The following GRID2 variants were observed in gnomAD, a reference collection of about 807,000 sequenced individuals.
GRID2 encodes the protein glutamate receptor ionotropic, delta-2.
GRID2 carries 33 observed loss-of-function variants against 114.8 expected under a neutral mutation model. The observed-to-expected ratio is 0.29, with a 90% confidence interval of 0.22 to 0.38. The LOEUF is 0.38. Among genes scored for constraint, GRID2 ranks in the 10% least tolerant of loss-of-function variants. GRID2 has a pLI of 1.00. For missense variants in GRID2, 1,184 were observed against 1,257.7 expected (o/e 0.94, Z 0.89); for synonymous variants, 505 against 449.9 (o/e 1.12, Z -1.55).
chr4:93,541,908 A>G (rs1189029540), intron 13 of GRID2, among the ~76,000 whole-genome samples: 2 of 152,200 alleles, frequency 1.3e-5, no homozygotes, highest in African/African-American at 4.8e-5. Context: ...AGATGTATGG[A>G]CAATAAGTTA....
At chr4:92,897,430 T>A (rs543926933) in intron 2 of GRID2, among the ~76,000 whole-genome samples, 19 of 151,648 alleles carry the variant, frequency 1.3e-4, no homozygotes, top group African/African-American at 4.3e-4. Flanking sequence ...TTGTTTGTTT[T>A]AAAAAAAAAG....
chr4:93,566,190 C>T (rs1419984277), intron 13 of GRID2, among the ~76,000 whole-genome samples: 2 of 152,142 alleles, frequency 1.3e-5, no homozygotes, highest in East Asian at 1.9e-4. Flanking sequence ...CAGGATACTA[C>T]TCAACAATGA....
intron 4 of GRID2, among the ~76,000 whole-genome samples, chr4:93,161,684 G>A (rs1384759910): frequency 6.6e-6 from 1 of 151,720 alleles, no homozygotes; most frequent in Non-Finnish European, 1.5e-5. Flanking sequence ...TTTTAAAAAT[G>A]TGTAAATCAT....
intron 2 of GRID2, among the ~76,000 whole-genome samples, chr4:92,692,865 A>G (rs1192387553): frequency 6.6e-6 from 1 of 152,062 alleles, no homozygotes; most frequent in East Asian, 1.9e-4. Flanking sequence ...TCTACTAAAA[A>G]TACAAAAATT....
At chr4:92,739,160 C>T (rs1019331984) in intron 2 of GRID2, among the ~76,000 whole-genome samples, 4 of 152,136 alleles carry the variant, frequency 2.6e-5, no homozygotes, top group African/African-American at 9.7e-5. Context: ...AATTTTTTAT[C>T]TCCACTGGCC....
intron 2 of GRID2, among the ~76,000 whole-genome samples, chr4:92,860,668 T>C (rs1396867344): frequency 6.6e-6 from 1 of 152,134 alleles, no homozygotes; most frequent in Non-Finnish European, 1.5e-5. Context: ...GAAAAGTGAT[T>C]AGTTTATTTA....
chr4:93,689,223 C>G (rs147165022), intron 14 of GRID2, among the ~76,000 whole-genome samples: 7 of 152,000 alleles, frequency 4.6e-5, no homozygotes, highest in African/African-American at 1.7e-4. Flanking sequence ...AAGTTAATTT[C>G]TGTGGTTTAA....
intron 3 of GRID2, among the ~76,000 whole-genome samples, chr4:93,110,502 C>A (rs1291164037): frequency 6.6e-6 from 1 of 152,154 alleles, no homozygotes; most frequent in Non-Finnish European, 1.5e-5. Context: ...GGATTGACAT[C>A]ATTTAGGTTC....
chr4:93,592,753 C>A (rs1738530625), intron 13 of GRID2, among the ~76,000 whole-genome samples: 1 of 152,152 alleles, frequency 6.6e-6, no homozygotes, highest in African/African-American at 2.4e-5. Flanking sequence ...GTATTGGGTG[C>A]ATACATATTT....
intron 2 of GRID2, among the ~76,000 whole-genome samples, chr4:93,004,257 A>G (rs1196477848): frequency 6.6e-6 from 1 of 151,840 alleles, no homozygotes; most frequent in Non-Finnish European, 1.5e-5. Context: ...ATCATGGTCT[A>G]ATGACCATTA....
intron 3 of GRID2, among the ~76,000 whole-genome samples, chr4:93,085,528 T>C (rs1730260663): frequency 6.6e-6 from 1 of 152,180 alleles, no homozygotes; most frequent in African/African-American, 2.4e-5. Context: ...CAAATGTTTC[T>C]AGAGAGAATC....
intron 2 of GRID2, among the ~76,000 whole-genome samples, chr4:92,968,876 T>C (rs574664475): frequency 1.3e-5 from 2 of 152,010 alleles, no homozygotes; most frequent in African/African-American, 4.8e-5. Flanking sequence ...TAAAAACATG[T>C]ATTTCTATAC....
chr4:92,737,758 T>C (rs1736669115), intron 2 of GRID2, among the ~76,000 whole-genome samples: 1 of 152,166 alleles, frequency 6.6e-6, no homozygotes, highest in Non-Finnish European at 1.5e-5. Context: ...GTATTCTCAA[T>C]ATTTTGTTTA....
intron 2 of GRID2, among the ~76,000 whole-genome samples, chr4:92,641,184 C>A (rs1236254960): frequency 6.6e-6 from 1 of 151,548 alleles, no homozygotes; most frequent in East Asian, 2.0e-4. Flanking sequence ...CTGAATCTCT[C>A]AATTTTAATG....
At chr4:93,411,238 CAT>C in intron 9 of GRID2, among the ~76,000 whole-genome samples, 1 of 152,204 alleles carries the variant, frequency 6.6e-6, no homozygotes, top group Non-Finnish European at 1.5e-5. Context: ...GTCCCAAACT[CAT>C]AAAACTATTG....
intron 2 of GRID2, among the ~76,000 whole-genome samples, chr4:92,779,178 G>C (rs1738945593): frequency 7.0e-6 from 1 of 143,210 alleles, no homozygotes; most frequent in African/African-American, 2.7e-5. Context: ...TTTTTAAGTA[G>C]TAAGTAAATG....
Position 93,398,133 on chromosome 4 carries a change from G to GTGTGTGTGTGTGTGTATA in GRID2, c.1347+2426_1347+2427insGTGTGTGTGTGTGTATAT. Among the ~76,000 whole-genome samples the GTGTGTGTGTGTGTGTATA allele has an allele frequency of 3.3e-5, 4 of 122,334 alleles. 1 individual carries two copies. The highest frequency in any genetic ancestry group is 1.5e-4 in the African/African-American group (4 of 25,860). The allele number at this position is 122,334 out of a possible 152,430, so 80.3% of individuals were successfully genotyped here. ...GAAATACATACATGTATGTGTGTGT[G>GTGTGTGTGTGTGTGTATA]TATATATATATATATATATCTTATC... On this transcript the variant is annotated intron_variant, in intron 9 of 15. Transcript: ENST00000282020.
intron 1 of GRID2, among the ~76,000 whole-genome samples, chr4:92,557,216 AT>A (rs1726893533): frequency 6.6e-6 from 1 of 152,056 alleles, no homozygotes; most frequent in African/African-American, 2.4e-5. Context: ...AAATGCAAAA[AT>A]TCATTTGTTT....
intron 1 of GRID2, among the ~76,000 whole-genome samples, chr4:92,527,724 A>G (rs984210501): frequency 9.2e-5 from 14 of 152,118 alleles, no homozygotes; most frequent in Non-Finnish European, 1.2e-4. Context: ...CCAAAAATGT[A>G]TAAGTTAAAG....
Sources: allele counts gnomAD v4.1 joint callset (sites outside exome capture counted in the v4.1 genomes callset), GRCh38; gene constraint gnomAD v4.1.1; transcripts MANE v1.5; gene names NCBI Gene and HGNC (gene_info 2026-07-23, HGNC 2026-07-21).